Variants in MAGI1 observed in about 807,000 individuals in gnomAD.
MAGI1 encodes the protein membrane-associated guanylate kinase, WW and PDZ domain-containing protein 1.
MAGI1 carries 58 observed loss-of-function variants against 139.9 expected under a neutral mutation model. The ratio of observed to expected loss-of-function variants is 0.41; its 90% CI spans 0.34 to 0.52. MAGI1 has a LOEUF of 0.52. Among genes scored for constraint, MAGI1 ranks in the 20% least tolerant of loss-of-function variants. The pLI is 0.12. For synonymous variants in MAGI1, 812 were observed against 737.9 expected (o/e 1.10, Z -1.63); for missense variants, 1,874 against 1,901.6 (o/e 0.99, Z 0.27).
intron 1 of MAGI1, among the ~76,000 whole-genome samples, chr3:65,987,850 T>C (rs1236734294): frequency 6.6e-6 from 1 of 152,358 alleles, no homozygotes; most frequent in African/African-American, 2.4e-5. Context: ...ATTACAGTCA[T>C]GAGCCACTGC....
At chr3:65,727,031 T>C (rs1256692192) in intron 1 of MAGI1, among the ~76,000 whole-genome samples, 1 of 151,122 alleles carries the variant, frequency 6.6e-6, no homozygotes, top group Non-Finnish European at 1.5e-5. Context: ...ATATTCAACC[T>C]GTAATTCCAC....
chr3:65,609,105 G>C (rs1312750318), intron 2 of MAGI1, among the ~76,000 whole-genome samples: 3 of 152,166 alleles, frequency 2.0e-5, no homozygotes, highest in Non-Finnish European at 4.4e-5. Flanking sequence ...CGTTCAATAA[G>C]AGGAGACACA....
rs1411048924 is a variant in MAGI1, at chr3:65,493,696, A to C, written c.431-65T>G. ...AACTAAAACAGGAAGTTCCACATCC[A>C]GGTGTAATTAAAATAACCTGTTCAG... On this transcript the variant is annotated intron_variant, in intron 2 of 22. Transcript: ENST00000402939. The C allele has an allele frequency of 8.2e-6, 13 of 1,594,702 alleles. No homozygotes were observed. In the Admixed American group the frequency reaches 2.2e-4, roughly 27 times the overall value.
intron 1 of MAGI1, among the ~76,000 whole-genome samples, chr3:65,785,309 C>G (rs1466997463): frequency 6.6e-6 from 1 of 152,124 alleles, no homozygotes; most frequent in Non-Finnish European, 1.5e-5. Flanking sequence ...ATACAGGGGT[C>G]CTATTTACCA....
intron 2 of MAGI1, among the ~76,000 whole-genome samples, chr3:65,550,622 G>GACTAAACAATCAATTTGACTAA (rs1269354426): frequency 2.6e-5 from 4 of 152,116 alleles, no homozygotes; most frequent in Non-Finnish European, 5.9e-5. Flanking sequence ...ACTAAACTGG[G>GACTAAACAATCAATTTGACTAA]ATTGGCCCCC....
intron 1 of MAGI1, among the ~76,000 whole-genome samples, chr3:65,653,708 G>A (rs1270323290): frequency 1.3e-5 from 2 of 152,136 alleles, no homozygotes; most frequent in African/African-American, 4.8e-5. Flanking sequence ...CCTTCCTAAG[G>A]CAGTGAAAGG....
intron 1 of MAGI1, among the ~76,000 whole-genome samples, chr3:66,033,156 T>C (rs2068732690): frequency 6.6e-6 from 1 of 151,706 alleles, no homozygotes; most frequent in Admixed American, 6.6e-5. Flanking sequence ...GCCTCCCGAG[T>C]AGCTGGGACT....
chr3:65,649,960 A>G (rs548964096), intron 1 of MAGI1, among the ~76,000 whole-genome samples: 4 of 152,194 alleles, frequency 2.6e-5, no homozygotes, highest in Non-Finnish European at 5.9e-5. Flanking sequence ...TTAAATACCT[A>G]AACACAACTA....
At chr3:65,995,715 T>C (rs1316251237) in intron 1 of MAGI1, among the ~76,000 whole-genome samples, 2 of 152,170 alleles carry the variant, frequency 1.3e-5, no homozygotes, top group African/African-American at 4.8e-5. Context: ...CATGCGCTGC[T>C]CCACCGGGCC....
intron 2 of MAGI1, among the ~76,000 whole-genome samples, chr3:65,591,591 T>G (rs1210691683): frequency 6.6e-6 from 1 of 152,188 alleles, no homozygotes; most frequent in East Asian, 1.9e-4. Flanking sequence ...TGTTACTGCC[T>G]GGATCAAGAC....
intron 1 of MAGI1, among the ~76,000 whole-genome samples, chr3:65,654,680 G>A (rs1230641257): frequency 6.6e-6 from 1 of 151,882 alleles, no homozygotes. Context: ...CATGATGAGT[G>A]TGATTAGATA....
chr3:65,815,468 C>T (rs1310226314), intron 1 of MAGI1, among the ~76,000 whole-genome samples: 5 of 152,170 alleles, frequency 3.3e-5, no homozygotes, highest in Non-Finnish European at 7.3e-5. Flanking sequence ...CTACCCCTCC[C>T]CCAGCTCACT....
chr3:66,022,543 G>C (rs2068020372), intron 1 of MAGI1, among the ~76,000 whole-genome samples: 3 of 152,174 alleles, frequency 2.0e-5, no homozygotes, highest in Non-Finnish European at 4.4e-5. Context: ...ACATTTCCTT[G>C]GATGTAGGTA....
intron 4 of MAGI1, among the ~76,000 whole-genome samples, chr3:65,473,916 A>C (rs1950710788): frequency 6.6e-6 from 1 of 151,306 alleles, no homozygotes; most frequent in African/African-American, 2.4e-5. Flanking sequence ...CACACGGCAG[A>C]CTCAAGAATT....
intron 1 of MAGI1, among the ~76,000 whole-genome samples, chr3:65,646,385 T>C (rs2085260659): frequency 6.6e-6 from 1 of 150,846 alleles, no homozygotes; most frequent in African/African-American, 2.4e-5. Flanking sequence ...ACAAGAGAGC[T>C]GCAAAATACA....
At chr3:65,743,032 A>G (rs2035406284) in intron 1 of MAGI1, among the ~76,000 whole-genome samples, 1 of 152,216 alleles carries the variant, frequency 6.6e-6, no homozygotes, top group Admixed American at 6.5e-5. Context: ...GCTTAAAAAA[A>G]AAGAAAGAGA....
At chr3:65,548,098 G>A (rs1261096593) in intron 2 of MAGI1, among the ~76,000 whole-genome samples, 1 of 152,184 alleles carries the variant, frequency 6.6e-6, no homozygotes, top group African/African-American at 2.4e-5. Flanking sequence ...TCTGCAGACT[G>A]GAACCCATTC....
intron 1 of MAGI1, among the ~76,000 whole-genome samples, chr3:65,766,202 G>A (rs1474367255): frequency 6.6e-6 from 1 of 152,172 alleles, no homozygotes; most frequent in Non-Finnish European, 1.5e-5. Flanking sequence ...CTTCATTTGG[G>A]TAAAGTGGGG....
chr3:65,825,368 A>AG (rs1321997519), intron 1 of MAGI1, among the ~76,000 whole-genome samples: 1 of 152,214 alleles, frequency 6.6e-6, no homozygotes, highest in East Asian at 1.9e-4. Context: ...GTTGTGCTGA[A>AG]GCTGGCTTGT....
Sources: gnomAD v4.1 joint callset for allele counts (sites outside exome capture counted in the v4.1 genomes callset) on GRCh38, gnomAD v4.1.1 for gene constraint, MANE v1.5 for transcripts, NCBI Gene and HGNC (gene_info 2026-07-23, HGNC 2026-07-21) for gene names.